Variants in SLCO6A1 observed in about 807,000 individuals in gnomAD.
SLCO6A1 encodes solute carrier organic anion transporter family member 6A1, also known as cancer/testis antigen 48.
A neutral mutation model predicts 72.7 loss-of-function variants in SLCO6A1; 65 were observed. The observed-to-expected ratio is 0.89, with a 90% CI of 0.73 to 1.10. SLCO6A1 has a LOEUF of 1.10. SLCO6A1 is among the 50% of genes least tolerant of loss of function. The pLI, the probability that SLCO6A1 is intolerant of heterozygous loss-of-function variation, is 0.00. For synonymous variants in SLCO6A1, 314 were observed against 298.2 expected (o/e 1.05, Z -0.55); for missense variants, 874 against 872.6 (o/e 1.00, Z -0.02).
Position 102,373,415 on chromosome 5 carries a change from A to G in SLCO6A1, c.2097T>C (p.Thr699=). 1 of 1,583,992 alleles carries G rather than the reference A, an allele frequency of 6.3e-7. No individual in the cohort carries two copies. ...FIYKRRLNEN[T]DFPDVTVKNP... is the part of the protein sequence containing the mutation. ...TCTTCACAGTTACATCTGGGAAGTCAGTGTTCTCATTTAGACGACGTTTGT... is the reference window on the plus strand; with the variant it reads ...TCTTCACAGTTACATCTGGGAAGTCGGTGTTCTCATTTAGACGACGTTTGT... The change falls in exon 13 of 14, where the codon ACT becomes ACC. Residue 699 remains threonine, a synonymous_variant. Transcript: ENST00000506729.
intron 1 of SLCO6A1, among the ~76,000 whole-genome samples, chr5:102,482,431 A>G (rs147624161): frequency 4.4e-4 from 67 of 152,272 alleles, no homozygotes; most frequent in Non-Finnish European, 7.8e-4. Flanking sequence ...TTCTTCTACT[A>G]TTCACTCGCT....
At chr5:102,416,869 G>C (rs890355739) in intron 8 of SLCO6A1, among the ~76,000 whole-genome samples, 8 of 152,164 alleles carry the variant, frequency 5.3e-5, no homozygotes, top group African/African-American at 1.9e-4. Flanking sequence ...AATTAAGACA[G>C]TTGGCAGTAT....
chr5:102,484,896 A>C (rs1410902718), intron 1 of SLCO6A1, among the ~76,000 whole-genome samples: 1 of 152,100 alleles, frequency 6.6e-6, no homozygotes, highest in Non-Finnish European at 1.5e-5. Context: ...GTTAGGTGCA[A>C]TATATTAAAG....
chr5:102,498,211 T>A (rs1580538383), intron 1 of SLCO6A1, among the ~76,000 whole-genome samples: 2 of 152,172 alleles, frequency 1.3e-5, no homozygotes, highest in African/African-American at 4.8e-5. Context: ...AACTCTGGTC[T>A]CCCGCACAGC....
chr5:102,396,673 G>T (rs563952653), intron 10 of SLCO6A1, among the ~76,000 whole-genome samples: 10 of 152,176 alleles, frequency 6.6e-5, no homozygotes, highest in East Asian at 1.9e-4. Context: ...GTGGGTGAGT[G>T]GGGTTTGTTG....
At chr5:102,440,912 C>T (rs1023631447) in intron 6 of SLCO6A1, among the ~76,000 whole-genome samples, 8 of 152,172 alleles carry the variant, frequency 5.3e-5, no homozygotes, top group Admixed American at 1.3e-4. Context: ...TTTCTTTACA[C>T]AGTTCTTAGC....
Position 102,388,813 on chromosome 5 carries a change from C to A in SLCO6A1, c.1892G>T (p.Gly631Val). 6.2e-7 allele frequency: 1 copy of A among 1,600,008 alleles called. No individual in the cohort carries two copies. The highest frequency in any genetic ancestry group is 8.5e-7 in the Non-Finnish European group (1 of 1,176,344). Residue 631 changes from glycine (G) to valine (V), a missense_variant, in exon 12 of 14, where the codon GGA becomes GTA. Gly to Val is a moderately radical substitution (Grantham distance 109). Coordinates refer to ENST00000506729, the MANE Select transcript of SLCO6A1 (RefSeq NM_173488.5). ...VILRIFGTIP[G>V]PSIFKMSGET... ...TCCTGACATTTTAAAGATTGATGGT[C>A]CAGGAATAGTCCCTATGAAAAATGC...
At chr5:102,376,157 C>T (rs1281660933) in intron 12 of SLCO6A1, among the ~76,000 whole-genome samples, 2 of 152,016 alleles carry the variant, frequency 1.3e-5, no homozygotes, top group African/African-American at 4.8e-5. Flanking sequence ...TTTAAAATTC[C>T]GAGAGTTACA....
intron 10 of SLCO6A1, among the ~76,000 whole-genome samples, chr5:102,391,474 T>C (rs1466832614): frequency 6.6e-6 from 1 of 152,120 alleles, no homozygotes; most frequent in Non-Finnish European, 1.5e-5. Flanking sequence ...ATGGACTATA[T>C]CAATGGGCTC....
chr5:102,443,535 T>C (rs1346628373), intron 6 of SLCO6A1, among the ~76,000 whole-genome samples: 2 of 152,150 alleles, frequency 1.3e-5, no homozygotes, highest in Non-Finnish European at 2.9e-5. Context: ...TTCCCAGGTT[T>C]AGGGGTAATC....
chr5:102,389,456 C>CCCCCCCA (rs376461607), intron 11 of SLCO6A1, among the ~76,000 whole-genome samples: 2 of 81,962 alleles, frequency 2.4e-5, no homozygotes, highest in Non-Finnish European at 5.2e-5. Context: ...CCCCCCACCC[C>CCCCCCCA]CACACACACA....
chr5:102,427,533 C>A (rs887955140), intron 7 of SLCO6A1, among the ~76,000 whole-genome samples: 1 of 151,916 alleles, frequency 6.6e-6, no homozygotes, highest in Admixed American at 6.6e-5. Flanking sequence ...GAACAACTGG[C>A]CAGTACTCCT....
intron 12 of SLCO6A1, among the ~76,000 whole-genome samples, chr5:102,381,036 A>G (rs564184954): frequency 5.3e-5 from 8 of 152,062 alleles, no homozygotes; most frequent in African/African-American, 1.9e-4. Flanking sequence ...AAAATGATTA[A>G]ATCAATGTAT....
chr5:102,490,597 C>T (rs996561914), intron 1 of SLCO6A1, among the ~76,000 whole-genome samples: 3 of 152,052 alleles, frequency 2.0e-5, no homozygotes, highest in Non-Finnish European at 4.4e-5. Flanking sequence ...TTCTTAAAGG[C>T]GGCATGTCTG....
intron 13 of SLCO6A1, among the ~76,000 whole-genome samples, chr5:102,372,500 T>A (rs971490454): frequency 1.3e-5 from 2 of 151,820 alleles, no homozygotes; most frequent in African/African-American, 4.8e-5. Flanking sequence ...TATAACAAAA[T>A]CTCTATACAA....
intron 4 of SLCO6A1, among the ~76,000 whole-genome samples, chr5:102,462,454 T>C (rs912669121): frequency 1.3e-5 from 2 of 151,870 alleles, no homozygotes; most frequent in Non-Finnish European, 2.9e-5. Flanking sequence ...AAATAACAAA[T>C]CTAGAGGCAT....
chr5:102,486,896 G>T (rs76999096), intron 1 of SLCO6A1, among the ~76,000 whole-genome samples: 2,365 of 152,120 alleles, frequency 0.016, 60 homozygotes, highest in African/African-American at 0.054. Context: ...TCAACAGAAT[G>T]AACTTCCAAA....
chr5:102,404,085 C>T (rs1747541371), intron 9 of SLCO6A1, among the ~76,000 whole-genome samples: 2 of 152,140 alleles, frequency 1.3e-5, no homozygotes, highest in Non-Finnish European at 2.9e-5. Context: ...TAAAATATTA[C>T]TTAGATGTAC....
chr5:102,407,102 C>T (rs1747713649), intron 9 of SLCO6A1, among the ~76,000 whole-genome samples: 1 of 152,086 alleles, frequency 6.6e-6, no homozygotes, highest in Non-Finnish European at 1.5e-5. Flanking sequence ...AACATTGGAC[C>T]AAATTGAGGA....
Sources: gnomAD v4.1 joint callset for allele counts (sites outside exome capture counted in the v4.1 genomes callset) on GRCh38, gnomAD v4.1.1 for gene constraint, MANE v1.5 for transcripts, NCBI Gene and HGNC (gene_info 2026-07-23, HGNC 2026-07-21) for gene names.